Variants in DIP2A observed in about 807,000 individuals in gnomAD.
DIP2A encodes DIP2 acetate--CoA ligase A, also known as disco-interacting protein 2 homolog A.
Under a neutral mutation model 177.4 loss-of-function variants are expected in DIP2A, and 85 were observed. The observed-to-expected ratio is 0.48, with a 90% CI of 0.40 to 0.57. The LOEUF (loss-of-function observed/expected upper bound fraction) is 0.57. Among genes scored for constraint, DIP2A ranks in the 20% least tolerant of loss-of-function variants. DIP2A has a pLI of 0.00. For missense variants in DIP2A, 1,791 were observed against 2,100.2 expected (o/e 0.85, Z 2.88); for synonymous variants, 886 against 881.8 (o/e 1.00, Z -0.08).
intron 13 of DIP2A, among the ~76,000 whole-genome samples, chr21:46,536,655 G>A (rs1292484626): frequency 6.6e-6 from 1 of 152,224 alleles, no homozygotes; most frequent in Non-Finnish European, 1.5e-5. Flanking sequence ...TGTAATCCCA[G>A]CACTTTGGGA....
chr21:46,539,672 A>G (rs971309245), intron 16 of DIP2A: 2 of 597,734 alleles, frequency 3.3e-6, no homozygotes, highest in African/African-American at 1.8e-5. Context: ...CAGACCATCC[A>G]TGGCTGTCTG....
chr21:46,533,774 C>A, intron 11 of DIP2A, 127 bp downstream of exon 11: 1 of 1,413,218 alleles, frequency 7.1e-7, no homozygotes. Flanking sequence ...TTGTTCGAGT[C>A]CTTGGTGAAT....
In DIP2A at chr21:46,558,291, G is replaced by A. The variant is rs754880804; in HGVS notation, c.3867G>A (p.Ala1289=). The change falls in exon 32 of 38, where the codon GCG becomes GCA. Residue 1289 remains alanine, a synonymous_variant. Coordinates refer to ENST00000417564, the MANE Select transcript of DIP2A (RefSeq NM_015151.4). ...MVVAEERPRI[A]LTQSFSKLFK... is the part of the protein sequence containing the mutation. Reference sequence around the variant, plus strand: ...TCGCCGAGGAGCGGCCCAGGATTGCGCTGACCCAGTCCTTCTCCAAGCTCT... The same window carrying A: ...TCGCCGAGGAGCGGCCCAGGATTGCACTGACCCAGTCCTTCTCCAAGCTCT... 31 of 1,611,576 alleles carry A rather than the reference G, an allele frequency of 1.9e-5. No homozygotes were observed. The highest frequency in any genetic ancestry group is 4.4e-5 in the South Asian group (4 of 90,588).
At chr21:46,521,922 A>G (rs2148690435) in intron 8 of DIP2A, among the ~76,000 whole-genome samples, 1 of 147,788 alleles carries the variant, frequency 6.8e-6, no homozygotes, top group Non-Finnish European at 1.5e-5. Context: ...CAATCTTTTT[A>G]CCAAAAACAC....
rs985948312 is a variant in DIP2A at position 46,569,633 on chromosome 21, G to A, written c.*2011G>A. The A allele has an allele frequency of 1.3e-5, 2 of 152,186 alleles. No individual in the cohort carries two copies. Among genetic ancestry groups the A allele is most frequent in the African/African-American group, 2.4e-5 (1 of 41,446 alleles). The allele number at this position is 152,186 out of a possible 1,614,324, so 9.4% of individuals were successfully genotyped here. On this transcript the variant is annotated 3_prime_UTR_variant, in exon 38 of 38. Coordinates refer to ENST00000417564, the MANE Select transcript of DIP2A (RefSeq NM_015151.4). ...TTAAGAAGTGCATTAAAATGTTTTAGAATTACTCTGGGAATTCTGTATATC... is the reference window on the plus strand; with the variant it reads ...TTAAGAAGTGCATTAAAATGTTTTAAAATTACTCTGGGAATTCTGTATATC...
At chr21:46,477,143 T>A (rs1283915280) in intron 1 of DIP2A, among the ~76,000 whole-genome samples, 1 of 152,192 alleles carries the variant, frequency 6.6e-6, no homozygotes, top group East Asian at 1.9e-4. Context: ...ACCGGTCCGA[T>A]TGTTTGGGTA....
downstream of DIP2A, among the ~76,000 whole-genome samples, chr21:46,571,695 CTGTT>C (rs564430802): frequency 3.3e-4 from 50 of 152,240 alleles, no homozygotes; most frequent in Non-Finnish European, 3.8e-4. Context: ...ATTTGGCTCT[CTGTT>C]TGTCTGTTAT....
chr21:46,496,035 G>A (rs2057340567), intron 3 of DIP2A, among the ~76,000 whole-genome samples: 2 of 151,616 alleles, frequency 1.3e-5, no homozygotes, highest in African/African-American at 4.8e-5. Context: ...TCACGCCATT[G>A]CATTCTAGCC....
At chr21:46,511,683 A>G in intron 8 of DIP2A, 69 bp downstream of exon 8, 1 of 1,383,622 alleles carries the variant, frequency 7.2e-7, no homozygotes, top group Non-Finnish European at 9.6e-7. Context: ...AACACAGCAT[A>G]GACATACAGC....
chr21:46,570,681 A>T (rs2060953516), downstream of DIP2A, among the ~76,000 whole-genome samples: 1 of 152,254 alleles, frequency 6.6e-6, no homozygotes, highest in South Asian at 2.1e-4. Context: ...AATGATCAGC[A>T]TAAACCAATG....
intron 1 of DIP2A, among the ~76,000 whole-genome samples, chr21:46,476,675 A>G: frequency 7.1e-6 from 1 of 141,224 alleles, no homozygotes; most frequent in African/African-American, 2.6e-5. Flanking sequence ...TTTTTTGGAG[A>G]CAGAGTCTCA....
chr21:46,479,840 T>C (rs1332062126), intron 1 of DIP2A, among the ~76,000 whole-genome samples: 4 of 152,200 alleles, frequency 2.6e-5, no homozygotes, highest in Non-Finnish European at 5.9e-5. Flanking sequence ...GCTGCATAAA[T>C]AATTTAAATT....
At chr21:46,538,793 C>T in intron 16 of DIP2A, 191 bp downstream of exon 16, 1 of 823,166 alleles carries the variant, frequency 1.2e-6, no homozygotes, top group East Asian at 2.9e-5. Context: ...TTTATTAGGC[C>T]ACTAAATTTA....
chr21:46,492,496 A>G (rs2057071760), intron 3 of DIP2A, among the ~76,000 whole-genome samples: 1 of 152,144 alleles, frequency 6.6e-6, no homozygotes, highest in South Asian at 2.1e-4. Context: ...TGCACCTTTA[A>G]GATTTTTCTC....
At chr21:46,463,717 T>A (rs2054541662) in intron 1 of DIP2A, among the ~76,000 whole-genome samples, 1 of 123,264 alleles carries the variant, frequency 8.1e-6, no homozygotes. Context: ...TGTGTGTGTG[T>A]GTATATTTTG....
intron 8 of DIP2A, among the ~76,000 whole-genome samples, chr21:46,512,959 C>A (rs962476173): frequency 1.3e-5 from 2 of 152,130 alleles, no homozygotes; most frequent in Non-Finnish European, 2.9e-5. Flanking sequence ...TGCACCTGGC[C>A]TCTTATTTCT....
chr21:46,498,902 A>T lies in DIP2A; in HGVS notation c.655+69A>T. On this transcript the variant is annotated intron_variant, in intron 5 of 37. Coordinates refer to ENST00000417564, the MANE Select transcript of DIP2A (RefSeq NM_015151.4). This position sits in a 1 kb window ranked among gnomAD's most constrained non-coding sequence, Gnocchi z 4.3. Reference sequence around the variant, plus strand: ...TCAGGAGTGTCCAGGACAGAGGAGCAGATGGAGGGCACCTGAGCCAGGCGC... The same window carrying T: ...TCAGGAGTGTCCAGGACAGAGGAGCTGATGGAGGGCACCTGAGCCAGGCGC... 6.7e-7 allele frequency: 1 copy of T among 1,487,920 alleles called. No homozygotes were observed. The highest frequency in any genetic ancestry group is 9.0e-7 in the Non-Finnish European group (1 of 1,115,848). 92.2% of individuals were successfully genotyped at this position (1,487,920 alleles called of 1,614,324 possible).
chr21:46,566,334 C>T (rs1026358975), intron 36 of DIP2A, among the ~76,000 whole-genome samples: 3 of 152,166 alleles, frequency 2.0e-5, no homozygotes, highest in East Asian at 1.9e-4. Flanking sequence ...TTTAATAATA[C>T]GCTCACACTT....
At chr21:46,460,454 A>G (rs2054198054) in intron 1 of DIP2A, among the ~76,000 whole-genome samples, 1 of 152,222 alleles carries the variant, frequency 6.6e-6, no homozygotes, top group Non-Finnish European at 1.5e-5. Flanking sequence ...TTTAGAATCC[A>G]TTTTTTAAAT....
Sources: allele counts gnomAD v4.1 joint callset (sites outside exome capture counted in the v4.1 genomes callset), GRCh38; gene constraint gnomAD v4.1.1; non-coding constraint Gnocchi (gnomAD v3.1); transcripts MANE v1.5; gene names NCBI Gene and HGNC (gene_info 2026-07-23, HGNC 2026-07-21).